Variants in PCDHA12 observed in about 807,000 individuals in gnomAD.
PCDHA12 encodes protocadherin alpha 12.
Under a neutral mutation model 60.0 loss-of-function variants are expected in PCDHA12, and 44 were observed. The observed-to-expected ratio is 0.73, with a 90% CI of 0.58 to 0.94. PCDHA12 has a LOEUF of 0.94. PCDHA12 is among the 40% of genes least tolerant of loss of function. The pLI is 0.00. For missense variants in PCDHA12, 1,276 were observed against 1,239.7 expected (o/e 1.03, Z -0.44); for synonymous variants, 569 against 553.0 (o/e 1.03, Z -0.40).
chr5:140,946,959 A>C (rs918204180), intron 1 of PCDHA12, among the ~76,000 whole-genome samples: 2 of 151,664 alleles, frequency 1.3e-5, no homozygotes, highest in Non-Finnish European at 3.0e-5. Context: ...GTATATTTCA[A>C]AATATTATAG....
chr5:140,899,674 T>A (rs2067476984), intron 1 of PCDHA12, among the ~76,000 whole-genome samples: 1 of 152,220 alleles, frequency 6.6e-6, no homozygotes, highest in African/African-American at 2.4e-5. Flanking sequence ...GGCTTTGGTA[T>A]CAGGATGATG....
rs564801749 is a variant in PCDHA12, at chr5:140,919,703, A to G, written c.2367+41864A>G. Among the ~76,000 whole-genome samples the G allele has an allele frequency of 6.4e-4, 98 of 152,318 alleles. No individual in the cohort carries two copies. In the South Asian group the frequency reaches 0.011, roughly 16 times the overall value. ...TCTGCTTCAGATTTATATTAACTTA[A>G]TTCTAGTGAGATATAAATATGTTAC... On this transcript the variant is annotated intron_variant, in intron 1 of 3. Transcript: ENST00000398631.
chr5:140,987,225 A>AT (rs1451600480), intron 3 of PCDHA12, among the ~76,000 whole-genome samples: 11 of 143,044 alleles, frequency 7.7e-5, no homozygotes, highest in Non-Finnish European at 1.0e-4. Context: ...AAAAAAAAAA[A>AT]AATAATAAAT....
At chr5:140,902,103 A>AT (rs1435105079) in intron 1 of PCDHA12, among the ~76,000 whole-genome samples, 1 of 151,172 alleles carries the variant, frequency 6.6e-6, no homozygotes, top group Non-Finnish European at 1.5e-5. Context: ...GAGTCTTTAG[A>AT]TTTTTTTAAA....
intron 1 of PCDHA12, among the ~76,000 whole-genome samples, chr5:140,921,757 T>C (rs1361449960): frequency 6.6e-6 from 1 of 152,122 alleles, no homozygotes; most frequent in Non-Finnish European, 1.5e-5. Context: ...GGACACTTCT[T>C]GGCTACTATT....
chr5:141,008,837 C>G (rs1460664317), intron 3 of PCDHA12, among the ~76,000 whole-genome samples: 1 of 152,178 alleles, frequency 6.6e-6, no homozygotes, highest in Non-Finnish European at 1.5e-5. Flanking sequence ...CATCCTCTTA[C>G]GCTGTGTATT....
At chr5:140,883,410 C>T in intron 1 of PCDHA12, 2 of 1,614,180 alleles carry the variant, frequency 1.2e-6, no homozygotes, top group Non-Finnish European at 1.7e-6. Flanking sequence ...GACTCTGGCT[C>T]AAATGGACAG....
intron 1 of PCDHA12, chr5:140,967,632 A>G (rs371201664): frequency 1.9e-5 from 31 of 1,614,028 alleles, no homozygotes; most frequent in Admixed American, 1.7e-4. Context: ...GAGGGCTCCA[A>G]TGGTGAGCTC....
At chr5:140,883,052 A>G (rs1554176592) in intron 1 of PCDHA12, 1 of 1,614,134 alleles carries the variant, frequency 6.2e-7, no homozygotes, top group East Asian at 2.2e-5. Flanking sequence ...AACATTAGTG[A>G]TCAAGCTAAA....
intron 1 of PCDHA12, among the ~76,000 whole-genome samples, chr5:140,948,536 C>T (rs2094269261): frequency 6.6e-6 from 1 of 151,548 alleles, no homozygotes; most frequent in Admixed American, 6.6e-5. Context: ...TATTTTATTT[C>T]ATGCTCTGTC....
intron 1 of PCDHA12, among the ~76,000 whole-genome samples, chr5:140,962,106 C>T (rs1156902232): frequency 4.6e-5 from 7 of 152,130 alleles, no homozygotes; most frequent in Non-Finnish European, 7.4e-5. Context: ...AGGATGGTCT[C>T]GATCTCCTAA....
intron 1 of PCDHA12, among the ~76,000 whole-genome samples, chr5:140,889,977 C>A (rs2062447126): frequency 6.6e-6 from 1 of 152,102 alleles, no homozygotes; most frequent in African/African-American, 2.4e-5. Flanking sequence ...ATCCAGTCTC[C>A]AGTTGTCTTA....
At chr5:140,928,307 C>T in intron 1 of PCDHA12, 1 of 1,614,150 alleles carries the variant, frequency 6.2e-7, no homozygotes, top group Non-Finnish European at 8.5e-7. Context: ...GCCCAGGACC[C>T]CGACCTGGGG....
chr5:140,969,074 C>T (rs782163688), intron 1 of PCDHA12: 3 of 1,614,142 alleles, frequency 1.9e-6, no homozygotes, highest in Non-Finnish European at 2.5e-6. Flanking sequence ...CAGGATACCG[C>T]ATGGCCTCAA....
intron 1 of PCDHA12, chr5:140,881,407 A>G (rs2058705270): frequency 1.0e-6 from 1 of 956,680 alleles, no homozygotes; most frequent in South Asian, 4.8e-5. Flanking sequence ...TATTAAATCA[A>G]TAGGATATTA....
intron 1 of PCDHA12, among the ~76,000 whole-genome samples, chr5:140,961,917 T>G (rs2095643057): frequency 6.6e-6 from 1 of 151,470 alleles, no homozygotes; most frequent in Non-Finnish European, 1.5e-5. Flanking sequence ...GGAGTCTCGC[T>G]CTGTTGCCCA....
chr5:140,992,576 G>T (rs992150186), intron 3 of PCDHA12, among the ~76,000 whole-genome samples: 4 of 152,172 alleles, frequency 2.6e-5, no homozygotes, highest in Admixed American at 2.0e-4. Flanking sequence ...CATATTGCCT[G>T]CCTTGTATGC....
chr5:140,959,031 G>A (rs1554223798), intron 1 of PCDHA12, among the ~76,000 whole-genome samples: 1 of 151,806 alleles, frequency 6.6e-6, no homozygotes, highest in Non-Finnish European at 1.5e-5. Flanking sequence ...CTTTATCATG[G>A]GTATGTATGT....
Position 140,877,605 on chromosome 5 carries a change from G to A in PCDHA12, c.2133G>A (p.Leu711=), listed in dbSNP as rs1554169915. 6.2e-7 allele frequency: 1 copy of A among 1,613,856 alleles called. No homozygotes were observed. Among genetic ancestry groups the A allele is most frequent in the Non-Finnish European group, 8.5e-7 (1 of 1,179,906 alleles). The change falls in exon 1 of 4, where the codon CTG becomes CTA. Residue 711 remains leucine, a synonymous_variant. Coordinates refer to ENST00000398631, the MANE Select transcript of PCDHA12 (RefSeq NM_018903.4). ...IIAICAVSSL[L]VLTLLLYTAL... ...CCATCTGTGCGGTGTCCAGCCTGCT[G>A]GTGCTCACGCTGCTGCTGTACACTG...
Sources: allele counts gnomAD v4.1 joint callset (sites outside exome capture counted in the v4.1 genomes callset), GRCh38; gene constraint gnomAD v4.1.1; transcripts MANE v1.5; gene names NCBI Gene and HGNC (gene_info 2026-07-23, HGNC 2026-07-21).